Variants in SUFU observed in about 807,000 individuals in gnomAD.
The protein encoded by SUFU is SUFU negative regulator of hedgehog signaling.
Under a neutral mutation model 58.9 loss-of-function variants are expected in SUFU, and 7 were observed. That is an observed-to-expected ratio of 0.12 (90% CI 0.07 to 0.22). The LOEUF (loss-of-function observed/expected upper bound fraction) is 0.22. SUFU is among the 10% of genes least tolerant of loss of function. The probability of loss-of-function intolerance (pLI) is 1.00; values close to 1 mark genes in which losing one functional copy is unlikely to be tolerated. For synonymous variants in SUFU, 232 were observed against 254.8 expected (o/e 0.91, Z 0.85); for missense variants, 451 against 641.3 (o/e 0.70, Z 3.20).
At chr10:102,604,443 G>C (rs1590071940) in intron 8 of SUFU, among the ~76,000 whole-genome samples, 1 of 152,142 alleles carries the variant, frequency 6.6e-6, no homozygotes, top group Non-Finnish European at 1.5e-5. Flanking sequence ...TGAAGTCACG[G>C]CCATTGTTAA....
rs965853818 is a variant in SUFU, at chr10:102,628,843, G to A, written c.1366-1223G>A. On this transcript the variant is annotated intron_variant, in intron 11 of 11. Coordinates refer to ENST00000369902, the MANE Select transcript of SUFU (RefSeq NM_016169.4). This position sits in a 1 kb window ranked among gnomAD's most constrained non-coding sequence, Gnocchi z 4.5. Reference sequence around the variant, plus strand: ...TCCTTTCCACCCTGCCCTGACTTCCGGCCTAGCCAAATTAGAAAAGACAGA... The same window carrying A: ...TCCTTTCCACCCTGCCCTGACTTCCAGCCTAGCCAAATTAGAAAAGACAGA... Among the ~76,000 whole-genome samples the A allele has an allele frequency of 1.3e-5, 2 of 152,030 alleles. No individual in the cohort carries two copies. The highest frequency in any genetic ancestry group is 2.1e-4 in the South Asian group (1 of 4,826).
chr10:102,602,292 G>T (rs2063521219), intron 8 of SUFU, among the ~76,000 whole-genome samples: 1 of 152,162 alleles, frequency 6.6e-6, no homozygotes, highest in Non-Finnish European at 1.5e-5. Flanking sequence ...CCATTAAAAT[G>T]GATGTAATCT....
chr10:102,510,218 A>AT (rs894329457), intron 2 of SUFU, among the ~76,000 whole-genome samples: 1 of 150,212 alleles, frequency 6.7e-6, no homozygotes, highest in Non-Finnish European at 1.5e-5. Flanking sequence ...GCTACCAACT[A>AT]TTTTTTTTAG....
At chr10:102,596,245 A>G (rs2063460532) in intron 6 of SUFU, among the ~76,000 whole-genome samples, 4 of 152,182 alleles carry the variant, frequency 2.6e-5, no homozygotes. Flanking sequence ...GTACCTGTGG[A>G]GCCGGGAAGC....
chr10:102,584,687 T>C (rs901797992), intron 3 of SUFU, among the ~76,000 whole-genome samples: 4 of 152,214 alleles, frequency 2.6e-5, no homozygotes, highest in Admixed American at 1.3e-4. Context: ...TAATTTTCCT[T>C]ATTTAGTATA....
intron 10 of SUFU, chr10:102,618,693 T>C: frequency 3.1e-6 from 1 of 327,242 alleles, no homozygotes; most frequent in South Asian, 8.7e-5. Context: ...GTCCATGTGG[T>C]GTTGGTAGTT....
At chr10:102,548,027 T>C (rs1490156577) in intron 2 of SUFU, among the ~76,000 whole-genome samples, 1 of 151,934 alleles carries the variant, frequency 6.6e-6, no homozygotes, top group Non-Finnish European at 1.5e-5. Context: ...CTAGGTGCCA[T>C]GATGTGCCAG....
intron 2 of SUFU, among the ~76,000 whole-genome samples, chr10:102,540,182 G>T (rs1255623075): frequency 6.6e-6 from 1 of 152,140 alleles, no homozygotes; most frequent in African/African-American, 2.4e-5. Context: ...AGTGGAGAAT[G>T]GTATATAGAA....
At position 102,561,613 on chromosome 10, in the gene SUFU, ATTGGTTCATAC is replaced by A. The variant is rs1472532647; in HGVS notation, c.454+11508_454+11518del. 2.0e-5 allele frequency among the ~76,000 whole-genome samples: 3 copies of A among 146,690 alleles called. No individual in the cohort carries two copies. The East Asian group carries it at 6.3e-4, about 31-fold the overall frequency. On this transcript the variant is annotated intron_variant, in intron 3 of 11. Coordinates refer to ENST00000369902, the MANE Select transcript of SUFU (RefSeq NM_016169.4). ...CTTCTTAGGTTCCTTGGCCAGAGAG[ATTGGTTCATAC>A]ACACTATGTGGCATGCATTTAGGGT...
chr10:102,515,315 CT>C (rs35257917), intron 2 of SUFU, among the ~76,000 whole-genome samples: 1,332 of 130,204 alleles, frequency 0.01, 10 homozygotes, highest in African/African-American at 0.033. Flanking sequence ...TTTGCCGGAA[CT>C]TTTTTTTTTT....
At chr10:102,586,053 AT>A (rs1350351255) in intron 3 of SUFU, among the ~76,000 whole-genome samples, 1 of 150,782 alleles carries the variant, frequency 6.6e-6, no homozygotes, top group African/African-American at 2.4e-5. Context: ...CCTGGCTAAT[AT>A]TTGTATTTTT....
At position 102,617,274 on chromosome 10, in the gene SUFU, A is replaced by G; in HGVS notation, c.1158-16A>G. The G allele has an allele frequency of 6.2e-7, 1 of 1,614,140 alleles. No individual in the cohort carries two copies. Among genetic ancestry groups the G allele is most frequent in the Non-Finnish European group, 8.5e-7 (1 of 1,180,018 alleles). On this transcript the variant is annotated splice_polypyrimidine_tract_variant and intron_variant, in intron 9 of 11. Coordinates refer to ENST00000369902, the MANE Select transcript of SUFU (RefSeq NM_016169.4). This position sits in a 1 kb window ranked among gnomAD's most constrained non-coding sequence, Gnocchi z 4.4. ...CCAAGCCCAGCTCCTCACTGTCTCC[A>G]TGTTCCCATCTCCAGGGGCAGGCTC...
At chr10:102,624,450 C>T (rs1164251604) in intron 10 of SUFU, among the ~76,000 whole-genome samples, 1 of 149,226 alleles carries the variant, frequency 6.7e-6, no homozygotes, top group Non-Finnish European at 1.5e-5. Context: ...GGAGCTATGA[C>T]AGTCTGTCGT....
intron 3 of SUFU, among the ~76,000 whole-genome samples, chr10:102,568,891 A>T (rs1199183529): frequency 5.0e-5 from 2 of 40,076 alleles, no homozygotes; most frequent in South Asian, 7.7e-4. Context: ...AAAAAAAAAA[A>T]AAAAAAATAT....
chr10:102,633,206 C>G lies in SUFU; in HGVS notation c.*3051C>G, dbSNP rs1467913965. On this transcript the variant is annotated 3_prime_UTR_variant, in exon 12 of 12. Coordinates refer to ENST00000369902, the MANE Select transcript of SUFU (RefSeq NM_016169.4). ...AGGACATCCATGCCAGGTGAGGTGCCTGGGTCCCTGTTACAAGTCAGGAGC... is the reference window on the plus strand; with the variant it reads ...AGGACATCCATGCCAGGTGAGGTGCGTGGGTCCCTGTTACAAGTCAGGAGC... 1 of 233,310 alleles carries G rather than the reference C, an allele frequency of 4.3e-6. No homozygotes were observed. The highest frequency in any genetic ancestry group is 6.0e-5 in the East Asian group (1 of 16,548). The allele number at this position is 233,310 out of a possible 1,614,324, so 14.5% of individuals were successfully genotyped here.
Position 102,550,096 on chromosome 10 carries a change from G to A in SUFU, c.444G>A (p.Val148=), listed in dbSNP as rs757424197. Residue 148 remains valine (V), a synonymous_variant, in exon 3 of 12, where the codon GTG becomes GTA. Transcript: ENST00000369902. ...TAATGCAGGGCTTGGCACGATACGTGTTCCAGTCAGGTAGGAGGCCAGGGC... is the reference window on the plus strand; with the variant it reads ...TAATGCAGGGCTTGGCACGATACGTATTCCAGTCAGGTAGGAGGCCAGGGC... ...AELMQGLARY[V]FQSENTFCSG... is the part of the protein sequence containing the mutation. 1.9e-6 allele frequency: 3 copies of A among 1,614,200 alleles called. No individual in the cohort carries two copies. The highest frequency in any genetic ancestry group is 1.1e-5 in the South Asian group (1 of 91,084).
chr10:102,545,841 GCA>G (rs1360690880), intron 2 of SUFU, among the ~76,000 whole-genome samples: 3 of 152,128 alleles, frequency 2.0e-5, no homozygotes, highest in Non-Finnish European at 4.4e-5. Context: ...GGGTGTGGTG[GCA>G]CACACCTGTA....
At chr10:102,582,828 C>A (rs149911616) in intron 3 of SUFU, among the ~76,000 whole-genome samples, 59 of 152,252 alleles carry the variant, frequency 3.9e-4, no homozygotes, top group Middle Eastern at 3.4e-3. Flanking sequence ...AAAGTGTCTA[C>A]CCAGCCCTTA....
rs7093285 is a variant in SUFU at position 102,615,058 on chromosome 10, G to C, written c.1023-210G>C. Reference sequence around the variant, plus strand: ...AGACAATGGTGGCAGCCACCTCTTGGGGGCATTGTGAGGAGTAGCCAGTCA... The same window carrying C: ...AGACAATGGTGGCAGCCACCTCTTGCGGGCATTGTGAGGAGTAGCCAGTCA... On this transcript the variant is annotated intron_variant, in intron 8 of 11. Transcript: ENST00000369902. Among the ~76,000 whole-genome samples the C allele has an allele frequency of 0.29, 43,350 of 151,814 alleles. 6,662 individuals carry two copies. The highest frequency in any genetic ancestry group is 0.35 in the Admixed American group (5,269 of 15,260).
Sources: allele counts gnomAD v4.1 joint callset (sites outside exome capture counted in the v4.1 genomes callset), GRCh38; gene constraint gnomAD v4.1.1; non-coding constraint Gnocchi (gnomAD v3.1); transcripts MANE v1.5; gene names NCBI Gene and HGNC (gene_info 2026-07-23, HGNC 2026-07-21).